The following POMT1 variants were observed in gnomAD, a reference collection of about 807,000 sequenced individuals.
POMT1 encodes the protein protein O-mannosyl-transferase 1.
In POMT1, 85 loss-of-function variants were observed where a neutral mutation model predicts 101.6. The observed-to-expected ratio is 0.84, with a 90% confidence interval of 0.70 to 1.00. The LOEUF (loss-of-function observed/expected upper bound fraction) is 1.00. Among genes scored for constraint, POMT1 ranks in the 50% least tolerant of loss-of-function variants. The pLI, the probability that POMT1 is intolerant of heterozygous loss-of-function variation, is 0.00. For missense variants in POMT1, 857 were observed against 930.4 expected (o/e 0.92, Z 1.03); for synonymous variants, 371 against 383.0 (o/e 0.97, Z 0.37).
Position 131,515,465 on chromosome 9 carries a change from G to C in POMT1, c.1215G>C (p.Glu405Asp). Residue 405 changes from glutamate (E) to aspartate (D), a missense_variant, in exon 13 of 20, where the codon GAG becomes GAC. Coordinates refer to ENST00000402686, the MANE Select transcript of POMT1 (RefSeq NM_001077365.2). ...CCCCCCTGAGCCCCCATTCACAGGA[G>C]GTCTCCTGCTACATTGACTATAACA... ...VAAPLSPHSQ[E>D]VSCYIDYNIS... 8 of 1,614,204 alleles carry C rather than the reference G, an allele frequency of 5.0e-6. No individual in the cohort carries two copies. Among genetic ancestry groups the C allele is most frequent in the Non-Finnish European group, 6.8e-6 (8 of 1,180,022 alleles).
At chr9:131,504,549 G>A (rs1439150105) in intron 2 of POMT1, among the ~76,000 whole-genome samples, 1 of 152,132 alleles carries the variant, frequency 6.6e-6, no homozygotes, top group Non-Finnish European at 1.5e-5. Flanking sequence ...TGTAACAGGT[G>A]AAATTTGGCC....
Position 131,521,386 on chromosome 9 carries a change from C to T in POMT1, c.1739C>T (p.Ser580Leu), listed in dbSNP as rs755804404. ...CTTGGAAACATAGTGATCTGGGTTT[C>T]GGGCAGCCTCGCTCTGGCCATCTAC... ...HLLGNIVIWV[S>L]GSLALAIYAL... The change falls in exon 18 of 20, where the codon TCG becomes TTG. Residue 580 changes from serine to leucine, a missense_variant. Transcript: ENST00000402686. 1.2e-5 allele frequency: 20 copies of T among 1,614,158 alleles called. No individual in the cohort carries two copies. Among genetic ancestry groups the T allele is most frequent in the Middle Eastern group, 1.6e-4 (1 of 6,062 alleles).
In POMT1 at chr9:131,523,106, G is replaced by A. The variant is rs147143094; in HGVS notation, c.2178G>A (p.Ter726=). Residue 726 remains the stop codon, a stop_retained_variant, in exon 20 of 20, where the codon TAG becomes TAA. Transcript: ENST00000402686. Reference sequence around the variant, plus strand: ...GGGACATCTTGATCCGAAAACACTAGAACAAGAGTGTGGCAAAGAACACCC... The same window carrying A: ...GGGACATCTTGATCCGAAAACACTAAAACAAGAGTGTGGCAAAGAACACCC... ...DSWDILIRKH[*] 6.4e-4 allele frequency: 1,024 copies of A among 1,610,418 alleles called. 3 individuals are homozygous for A. Among genetic ancestry groups the A allele is most frequent in the Non-Finnish European group, 6.1e-4 (719 of 1,179,660 alleles).
At chr9:131,515,579 A>C in intron 13 of POMT1, 57 bp downstream of exon 13, 3 of 1,519,596 alleles carry the variant, frequency 2.0e-6, no homozygotes, top group East Asian at 2.3e-5. Flanking sequence ...ACTCCCTCAC[A>C]CGGAGCACTT....
At chr9:131,520,290 G>C in intron 17 of POMT1, 97 bp downstream of exon 17, 1 of 1,112,800 alleles carries the variant, frequency 9.0e-7, no homozygotes, top group Non-Finnish European at 1.3e-6. Flanking sequence ...AGAAAGTGCT[G>C]GGTTTCTCCC....
chr9:131,520,817 A>G (rs1239865999), intron 17 of POMT1, among the ~76,000 whole-genome samples: 1 of 152,078 alleles, frequency 6.6e-6, no homozygotes, highest in African/African-American at 2.4e-5. Flanking sequence ...CAAAATTGAG[A>G]GCATCAGTGC....
chr9:131,514,913 G>A (rs553289327), intron 12 of POMT1, among the ~76,000 whole-genome samples: 5 of 152,300 alleles, frequency 3.3e-5, no homozygotes, highest in Non-Finnish European at 5.9e-5. Context: ...CTGAGATCGC[G>A]CCATTTGCAC....
chr9:131,511,071 C>T, intron 9 of POMT1: 1 of 416,984 alleles, frequency 2.4e-6, no homozygotes, highest in Admixed American at 3.9e-5. Context: ...GCTCTTACCT[C>T]ATTGGATGCT....
chr9:131,521,446 G>A lies in POMT1; in HGVS notation c.1799G>A (p.Arg600Gln), dbSNP rs753485021. The change falls in exon 18 of 20, where the codon CGA (arginine) becomes CAA (glutamine). Residue 600 changes from arginine (R) to glutamine (Q), a missense_variant. Physicochemically the swap from Arg to Gln is conservative, Grantham distance 43. Coordinates refer to ENST00000402686, the MANE Select transcript of POMT1 (RefSeq NM_001077365.2). Reference sequence around the variant, plus strand: ...TCCTTGTGGTACCTGCTCCGACGGCGAAGAAATGTCCATGACCTCCCTCAG... The same window carrying A: ...TCCTTGTGGTACCTGCTCCGACGGCAAAGAAATGTCCATGACCTCCCTCAG... ...LLSLWYLLRR[R>Q]RNVHDLPQDA... The A allele has an allele frequency of 4.5e-5, 72 of 1,613,926 alleles. 1 individual carries two copies. Among genetic ancestry groups the A allele is most frequent in the South Asian group, 8.8e-5 (8 of 91,068 alleles).
Position 131,519,576 on chromosome 9 carries a change from A to C in POMT1, c.1584+90A>C. On this transcript the variant is annotated intron_variant, in intron 16 of 19. Coordinates refer to ENST00000402686, the MANE Select transcript of POMT1 (RefSeq NM_001077365.2). The surrounding 1 kb of genome is among the most constrained non-coding windows in gnomAD (Gnocchi z 4.3). ...GGGGGCTGCACAGGACTCAAACCAGAGTCAGGCTTTGACGCTGGAGCTACA... is the reference window on the plus strand; with the variant it reads ...GGGGGCTGCACAGGACTCAAACCAGCGTCAGGCTTTGACGCTGGAGCTACA... 2 of 1,275,238 alleles carry C rather than the reference A, an allele frequency of 1.6e-6. No individual in the cohort carries two copies. The highest frequency in any genetic ancestry group is 2.2e-6 in the Non-Finnish European group (2 of 908,788). 79.0% of individuals were successfully genotyped at this position (1,275,238 alleles called of 1,614,324 possible).
chr9:131,513,170 C>G, intron 11 of POMT1, 69 bp from the exon 12 acceptor site: 2 of 1,326,868 alleles, frequency 1.5e-6, no homozygotes, highest in Non-Finnish European at 2.2e-6. Context: ...AGAGCTGTGC[C>G]CCTCCGGTGC....
chr9:131,521,969 C>T lies in POMT1; in HGVS notation c.1826-78C>T, dbSNP rs1950019919. ...CTGGGCAACATAGTAAGAACCCTCT[C>T]TCTAAAAAAGCAAAAGAGAGAGAAG... is the stretch of plus-strand genomic sequence containing the variant. On this transcript the variant is annotated intron_variant, in intron 18 of 19. Transcript: ENST00000402686. The T allele has an allele frequency of 3.7e-6, 6 of 1,602,070 alleles. No individual in the cohort carries two copies. In the South Asian group the frequency reaches 5.5e-5, roughly 15 times the overall value.
In POMT1 at chr9:131,507,388, G is replaced by T; in HGVS notation, c.301G>T (p.Val101Leu). Residue 101 changes from valine (V) to leucine (L), a missense_variant, in exon 5 of 20, where the codon GTG becomes TTG. Coordinates refer to ENST00000402686, the MANE Select transcript of POMT1 (RefSeq NM_001077365.2). The part of the protein sequence containing the change: ...IGAEYSSNVP[V>L]WSLRLLPALA... ...TCCAGAATACAGTAGCAACGTGCCT[G>T]TGTGGTCCCTGCGCCTGCTGCCAGC... is the stretch of plus-strand genomic sequence containing the variant. 1 of 1,614,212 alleles carries T rather than the reference G, an allele frequency of 6.2e-7. No homozygotes were observed. Among genetic ancestry groups the T allele is most frequent in the South Asian group, 1.1e-5 (1 of 91,082 alleles).
rs886043485 is a variant in POMT1, at chr9:131,506,199, C to A, written c.208C>A (p.His70Asn). The change falls in exon 3 of 20, where the codon CAC (histidine) becomes AAC (asparagine). Residue 70 changes from histidine (H) to asparagine (N), a missense_variant. Coordinates refer to ENST00000402686, the MANE Select transcript of POMT1 (RefSeq NM_001077365.2). The part of the protein sequence containing the change: ...FLDDSGPPFG[H>N]MVLALGGYLG... ...GGATGACAGTGGGCCGCCATTTGGC[C>A]ACATGGTGCTGGCCTTGGGAGGTAG... is the stretch of plus-strand genomic sequence containing the variant. 10 of 1,614,148 alleles carry A rather than the reference C, an allele frequency of 6.2e-6. No individual in the cohort carries two copies. The East Asian group carries it at 2.2e-4, about 36-fold the overall frequency.
chr9:131,512,812 A>G (rs772663700), intron 11 of POMT1, among the ~76,000 whole-genome samples: 5 of 152,048 alleles, frequency 3.3e-5, no homozygotes, highest in Non-Finnish European at 5.9e-5. Flanking sequence ...GGGTTTCACC[A>G]TGTTGGCCAG....
At chr9:131,511,778 G>A in intron 10 of POMT1, 1 of 581,052 alleles carries the variant, frequency 1.7e-6, no homozygotes, top group Non-Finnish European at 3.0e-6. Flanking sequence ...TTGCTAGGTT[G>A]TATTTGTTGA....
At position 131,518,828 on chromosome 9, in the gene POMT1, T is replaced by A. The variant is rs1949293335; in HGVS notation, c.1366-9T>A. 6.2e-7 allele frequency: 1 copy of A among 1,613,796 alleles called. No homozygotes were observed. Among genetic ancestry groups the A allele is most frequent in the Non-Finnish European group, 8.5e-7 (1 of 1,180,038 alleles). Reference sequence around the variant, plus strand: ...CATCACGCCCTTTACTCTCCTGCGGTGTCACCAGCTGAGCGGGGCTCACCT... The same window carrying A: ...CATCACGCCCTTTACTCTCCTGCGGAGTCACCAGCTGAGCGGGGCTCACCT... On this transcript the variant is annotated splice_polypyrimidine_tract_variant and intron_variant, in intron 14 of 19. Coordinates refer to ENST00000402686, the MANE Select transcript of POMT1 (RefSeq NM_001077365.2).
At chr9:131,515,570 C>A in intron 13 of POMT1, 48 bp downstream of exon 13, 1 of 1,551,206 alleles carries the variant, frequency 6.4e-7, no homozygotes, top group Non-Finnish European at 8.9e-7. Flanking sequence ...GTAATGAACA[C>A]TCCCTCACAC....
In POMT1 at chr9:131,522,972, G is replaced by A; in HGVS notation, c.2044G>A (p.Ala682Thr). Residue 682 changes from alanine to threonine, a missense_variant, in exon 20 of 20, where the codon GCC becomes ACC. By Grantham distance (58) the Ala-to-Thr change is moderately conservative. Coordinates refer to ENST00000402686, the MANE Select transcript of POMT1 (RefSeq NM_001077365.2). The surrounding 1 kb of genome is among the most constrained non-coding windows in gnomAD (Gnocchi z 5.5). ...QRSIFSALVV[A>T]WYSSACHVSN... ...GAGCATCTTCAGCGCCCTGGTGGTG[G>A]CCTGGTACTCCTCCGCGTGCCACGT... 6.2e-7 allele frequency: 1 copy of A among 1,602,740 alleles called. No homozygotes were observed. Among genetic ancestry groups the A allele is most frequent in the Non-Finnish European group, 8.5e-7 (1 of 1,176,416 alleles).
Sources: allele counts gnomAD v4.1 joint callset (sites outside exome capture counted in the v4.1 genomes callset), GRCh38; gene constraint gnomAD v4.1.1; non-coding constraint Gnocchi (gnomAD v3.1); transcripts MANE v1.5; gene names NCBI Gene and HGNC (gene_info 2026-07-23, HGNC 2026-07-21).